The following RIMS2 variants were observed in gnomAD, a reference collection of about 807,000 sequenced individuals.
RIMS2 encodes the protein regulating synaptic membrane exocytosis 2, also known as regulating synaptic membrane exocytosis protein 2.
RIMS2 carries 59 observed loss-of-function variants against 174.4 expected under a neutral mutation model. That is an observed-to-expected ratio of 0.34 (90% CI 0.27 to 0.42). The LOEUF (loss-of-function observed/expected upper bound fraction) is 0.42, where lower values mean the gene tolerates loss of function less well. Among genes scored for constraint, RIMS2 ranks in the 10% least tolerant of loss-of-function variants. The pLI is 1.00. For synonymous variants in RIMS2, 606 were observed against 572.5 expected, an observed-to-expected ratio of 1.06 and a Z score of -0.84; for missense variants, 1,620 against 1,666.3, an observed-to-expected ratio of 0.97 and a Z score of 0.48.
intron 3 of RIMS2, among the ~76,000 whole-genome samples, chr8:103,827,552 A>G (rs760655383): frequency 2.0e-5 from 3 of 152,144 alleles, no homozygotes; most frequent in African/African-American, 4.8e-5. Flanking sequence ...ATAATCACGA[A>G]TGGGTTGGGC....
At chr8:103,654,513 T>A (rs2096498208) in intron 1 of RIMS2, among the ~76,000 whole-genome samples, 1 of 151,956 alleles carries the variant, frequency 6.6e-6, no homozygotes, top group Non-Finnish European at 1.5e-5. Context: ...GTTTTAAAAA[T>A]TCAGAATCAA....
chr8:103,749,730 A>G (rs1009838087), intron 2 of RIMS2, among the ~76,000 whole-genome samples: 25 of 152,166 alleles, frequency 1.6e-4, no homozygotes, highest in East Asian at 1.3e-3. Context: ...AATGCAATAT[A>G]GCTTATTTTC....
At chr8:103,997,958 T>C (rs972123886) in intron 17 of RIMS2, among the ~76,000 whole-genome samples, 1 of 151,786 alleles carries the variant, frequency 6.6e-6, no homozygotes, top group South Asian at 2.1e-4. Context: ...ACTGATGTTA[T>C]ATTGTTGTTG....
chr8:104,163,769 C>G (rs2441874), intron 19 of RIMS2, among the ~76,000 whole-genome samples: 42,348 of 151,916 alleles, frequency 0.28, 6,231 homozygotes, highest in South Asian at 0.44. Context: ...TGGTTTTGAT[C>G]TTGTAATGTG....
intron 1 of RIMS2, chr8:103,569,053 C>T (rs13264041): frequency 2.6e-6 from 1 of 383,818 alleles, no homozygotes; most frequent in Non-Finnish European, 4.7e-6. Flanking sequence ...TCCAATTTAT[C>T]TTTTTTTTTG....
rs138356690 is a variant in RIMS2, at chr8:103,709,033, G to T, written c.387+11737G>T. 6.2e-3 allele frequency among the ~76,000 whole-genome samples: 936 copies of T among 151,748 alleles called. 11 individuals carry two copies. Among genetic ancestry groups the T allele is most frequent in the African/African-American group, 0.021 (887 of 41,420 alleles). ...TATTAATGTGCATTCAAGTTTACTG[G>T]TCTTTCCTTCTGCAATGTCAAATCT... On this transcript the variant is annotated intron_variant, in intron 2 of 23. Coordinates refer to ENST00000504942, the Ensembl canonical transcript of RIMS2.
chr8:103,786,249 G>T (rs1423325163), intron 3 of RIMS2, among the ~76,000 whole-genome samples: 4 of 152,164 alleles, frequency 2.6e-5, no homozygotes, highest in Admixed American at 2.0e-4. Context: ...TTTTTGAAGG[G>T]TTTTTTGTGT....
downstream of RIMS2, chr8:104,256,050 A>G (rs2099366953): frequency 1.3e-5 from 2 of 152,218 alleles, no homozygotes; most frequent in Admixed American, 1.3e-4. Flanking sequence ...AGTATCAAAA[A>G]CAATGTTTGA....
At chr8:103,536,732 C>G (rs1839934812) in intron 1 of RIMS2, among the ~76,000 whole-genome samples, 1 of 152,110 alleles carries the variant, frequency 6.6e-6, no homozygotes, top group South Asian at 2.1e-4. Context: ...GGAAGTGGTG[C>G]TAAACTATTC....
intron 3 of RIMS2, among the ~76,000 whole-genome samples, chr8:103,795,574 TATA>T (rs895457163): frequency 1.1e-4 from 17 of 151,952 alleles, no homozygotes; most frequent in African/African-American, 3.9e-4. Flanking sequence ...GAAATTAAAG[TATA>T]ATAATAATGA....
At chr8:103,837,196 G>A (rs993440075) in intron 3 of RIMS2, among the ~76,000 whole-genome samples, 1 of 152,094 alleles carries the variant, frequency 6.6e-6, no homozygotes, top group Non-Finnish European at 1.5e-5. Flanking sequence ...CTCTGCTTAG[G>A]GTCTCACAAG....
At chr8:104,232,748 C>G (rs1275390545) in intron 19 of RIMS2, among the ~76,000 whole-genome samples, 1 of 152,184 alleles carries the variant, frequency 6.6e-6, no homozygotes, top group Non-Finnish European at 1.5e-5. Flanking sequence ...TGCTTCTTTG[C>G]TTTATTAGCT....
At chr8:104,079,971 T>TA (rs1468181651) in intron 19 of RIMS2, among the ~76,000 whole-genome samples, 2 of 151,948 alleles carry the variant, frequency 1.3e-5, no homozygotes, top group African/African-American at 4.8e-5. Flanking sequence ...TGTATCAATA[T>TA]AAGAACAAAA....
intron 3 of RIMS2, among the ~76,000 whole-genome samples, chr8:103,794,947 G>T (rs1464484445): frequency 4.6e-5 from 7 of 152,218 alleles, no homozygotes; most frequent in African/African-American, 1.7e-4. Flanking sequence ...GGGTGATGGA[G>T]AGGATGTGGA....
At chr8:103,738,192 T>A (rs1383363379) in intron 2 of RIMS2, among the ~76,000 whole-genome samples, 4 of 152,112 alleles carry the variant, frequency 2.6e-5, no homozygotes. Context: ...AATGAGCAGA[T>A]GAAATAAGAA....
At position 103,715,312 on chromosome 8, in the gene RIMS2, C is replaced by T. The variant is rs530903057; in HGVS notation, c.387+18016C>T. Reference sequence around the variant, plus strand: ...ATTAGCTATTTTTCCTGATGCTTTACGTCCCCAACCCCTACTGCCTGCCCC... The same window carrying T: ...ATTAGCTATTTTTCCTGATGCTTTATGTCCCCAACCCCTACTGCCTGCCCC... On this transcript the variant is annotated intron_variant, in intron 2 of 23. Transcript: ENST00000504942. Among the ~76,000 whole-genome samples, 7 of 152,234 alleles carry T rather than the reference C, an allele frequency of 4.6e-5. 1 individual carries two copies. Among genetic ancestry groups the T allele is most frequent in the East Asian group, 1.9e-4 (1 of 5,194 alleles).
At chr8:104,096,286 A>G (rs573765903) in intron 19 of RIMS2, among the ~76,000 whole-genome samples, 84 of 152,304 alleles carry the variant, frequency 5.5e-4, no homozygotes, top group Admixed American at 5.4e-3. Flanking sequence ...CCCAGATCCC[A>G]CGCTGCCATA....
chr8:104,127,827 A>G lies in RIMS2; in HGVS notation c.3334+113212A>G, dbSNP rs16870994. Among the ~76,000 whole-genome samples the G allele has an allele frequency of 1.1e-3, 169 of 152,312 alleles. 1 individual carries two copies. The East Asian group carries it at 0.02, about 18-fold the overall frequency. On this transcript the variant is annotated intron_variant, in intron 19 of 23. Transcript: ENST00000504942. ...GCCAGTACTTACAAAATCATGTACT[A>G]CTAATTTAACATTACTGGGAATAAA...
intron 9 of RIMS2, among the ~76,000 whole-genome samples, chr8:103,920,064 C>A (rs977180920): frequency 3.3e-5 from 5 of 151,988 alleles, no homozygotes; most frequent in Non-Finnish European, 4.4e-5. Context: ...GCATGGAAAC[C>A]TTTATCTTAT....
Sources: gnomAD v4.1 joint callset for allele counts (sites outside exome capture counted in the v4.1 genomes callset) on GRCh38, gnomAD v4.1.1 for gene constraint, MANE v1.5 for transcripts, NCBI Gene and HGNC (gene_info 2026-07-23, HGNC 2026-07-21) for gene names.